Variants in NRXN3 observed in about 807,000 individuals in gnomAD.
NRXN3 encodes neurexin 3, also known as neurexin III.
In NRXN3, 32 loss-of-function variants were observed where a neutral mutation model predicts 137.6. The ratio of observed to expected loss-of-function variants is 0.23; its 90% CI spans 0.18 to 0.31. NRXN3 has a LOEUF of 0.31. Among genes scored for constraint, NRXN3 ranks in the 10% least tolerant of loss-of-function variants. The pLI is 1.00. For synonymous variants in NRXN3, 798 were observed against 784.5 expected, an observed-to-expected ratio of 1.02 and a Z score of -0.29; for missense variants, 1,574 against 2,062.5, an observed-to-expected ratio of 0.76 and a Z score of 4.59.
rs145831148 is a variant in NRXN3 at position 79,248,457 on chromosome 14, C to G, written c.3263-218764C>G. 3.3e-5 allele frequency: 5 copies of G among 152,592 alleles called. No individual in the cohort carries two copies. In the East Asian group the frequency reaches 9.6e-4, roughly 29 times the overall value. 9.5% of individuals were successfully genotyped at this position (152,592 alleles called of 1,614,324 possible). A position where few individuals can be genotyped will look rare whatever the true frequency, so the allele number is the denominator to read the frequency against. On this transcript the variant is annotated intron_variant, in intron 15 of 20. Transcript: ENST00000335750. ...GACAGACTATACTTGTCTTTCTGTT[C>G]TAATTGCTCTGAAATATACCTCTGG...
At chr14:79,083,813 C>G (rs2047541945) in intron 15 of NRXN3, among the ~76,000 whole-genome samples, 1 of 152,096 alleles carries the variant, frequency 6.6e-6, no homozygotes, top group Admixed American at 6.5e-5. Flanking sequence ...ATTAAATCTC[C>G]TTTGGAAGGG....
intron 4 of NRXN3, among the ~76,000 whole-genome samples, chr14:78,421,824 T>C (rs545606020): frequency 6.6e-6 from 1 of 152,300 alleles, no homozygotes; most frequent in Admixed American, 6.5e-5. Context: ...ACGCCTGGCC[T>C]GATTTTAATT....
chr14:78,972,918 G>A (rs1436183919), intron 14 of NRXN3: 1 of 152,230 alleles, frequency 6.6e-6, no homozygotes, highest in African/African-American at 2.4e-5. Context: ...AGGTAGAGAA[G>A]GTTCTTGTTC....
intron 6 of NRXN3, among the ~76,000 whole-genome samples, chr14:78,688,380 A>T (rs1363485120): frequency 6.6e-6 from 1 of 152,180 alleles, no homozygotes; most frequent in Non-Finnish European, 1.5e-5. Flanking sequence ...AGGCCTCAAG[A>T]AGTAAGTATT....
chr14:79,393,386 G>T (rs917356073), intron 15 of NRXN3, among the ~76,000 whole-genome samples: 1 of 152,172 alleles, frequency 6.6e-6, no homozygotes, highest in African/African-American at 2.4e-5. Flanking sequence ...TATAACTGCA[G>T]GATAAAGAGA....
intron 20 of NRXN3, among the ~76,000 whole-genome samples, chr14:79,807,633 T>C (rs1036257372): frequency 6.6e-6 from 1 of 151,994 alleles, no homozygotes; most frequent in African/African-American, 2.4e-5. Context: ...ATGGGGTGGG[T>C]GGGGAGATAC....
intron 10 of NRXN3, among the ~76,000 whole-genome samples, chr14:78,887,357 A>G (rs1243479549): frequency 5.7e-4 from 87 of 152,064 alleles, no homozygotes; most frequent in Non-Finnish European, 2.9e-5. Context: ...TGAGAGAGAA[A>G]GATTATTTTA....
At chr14:78,770,864 C>T (rs2098725309) in intron 8 of NRXN3, among the ~76,000 whole-genome samples, 1 of 152,182 alleles carries the variant, frequency 6.6e-6, no homozygotes, top group South Asian at 2.1e-4. Context: ...GGGGGTACAG[C>T]TAAAAGGAGC....
At chr14:79,162,861 AT>A (rs1463938727) in intron 15 of NRXN3, among the ~76,000 whole-genome samples, 2 of 150,782 alleles carry the variant, frequency 1.3e-5, no homozygotes, top group Non-Finnish European at 3.0e-5. Flanking sequence ...TTCCATCACT[AT>A]TTTCTCCACC....
At position 78,243,186 on chromosome 14, in the gene NRXN3, G is replaced by A; in HGVS notation, c.93G>A (p.Met31Ile). ...GGCTCTGCCTGGGCCTTGAGTTCAT[G>A]GGCCTCCCCAACCAGTGGGCCCGCT... Reference protein sequence around the residue: ...LLGLCLGLEFMGLPNQWARYL... With the variant: ...LLGLCLGLEFIGLPNQWARYL... The change falls in exon 2 of 21, where the codon ATG (methionine) becomes ATA (isoleucine). Residue 31 changes from methionine to isoleucine, a missense_variant. By Grantham distance (10) the Met-to-Ile change is conservative. This residue lies in a region of NRXN3 where 400 missense variants were observed against 527.3 expected (regional missense o/e 0.76). Coordinates refer to ENST00000335750, the MANE Select transcript of NRXN3 (RefSeq NM_001330195.2). This position sits in a 1 kb window ranked among gnomAD's most constrained non-coding sequence, Gnocchi z 4.2. 1 of 1,544,760 alleles carries A rather than the reference G, an allele frequency of 6.5e-7. No homozygotes were observed. Among genetic ancestry groups the A allele is most frequent in the Non-Finnish European group, 8.7e-7 (1 of 1,152,060 alleles).
At position 78,651,086 on chromosome 14, in the gene NRXN3, A is replaced by G. The variant is rs1364356060; in HGVS notation, c.1060-79A>G. On this transcript the variant is annotated intron_variant, in intron 5 of 20. Coordinates refer to ENST00000335750, the MANE Select transcript of NRXN3 (RefSeq NM_001330195.2). Reference sequence around the variant, plus strand: ...AAATCTTAATGAAAGTGATGCCACAAGTAGGGGAAGCCACTGGGTTATGAT... The same window carrying G: ...AAATCTTAATGAAAGTGATGCCACAGGTAGGGGAAGCCACTGGGTTATGAT... 7.7e-6 allele frequency: 10 copies of G among 1,302,572 alleles called. No individual in the cohort carries two copies. The Admixed American group carries it at 1.9e-4, about 25-fold the overall frequency. 80.7% of individuals were successfully genotyped at this position (1,302,572 alleles called of 1,614,324 possible).
chr14:78,359,895 A>C (rs1475326943), intron 4 of NRXN3, among the ~76,000 whole-genome samples: 3 of 152,130 alleles, frequency 2.0e-5, no homozygotes, highest in Non-Finnish European at 2.9e-5. Context: ...TGCCTTCTCC[A>C]GAACCTTATT....
At chr14:79,858,135 G>GTGGTTACT (rs1421820738) in intron 20 of NRXN3, among the ~76,000 whole-genome samples, 18 of 148,146 alleles carry the variant, frequency 1.2e-4, no homozygotes, top group Admixed American at 3.5e-4. Context: ...TATAAAAAAT[G>GTGGTTACT]TGGTTACTCT....
In NRXN3 at chr14:79,485,480, T is replaced by C. The variant is rs549789926; in HGVS notation, c.3444+18078T>C. ...TATATTGTTACCTTGAAGGTATTTA[T>C]AGGCTGTGATCAAGGCCCCTGGAGT... On this transcript the variant is annotated intron_variant, in intron 16 of 20. Coordinates refer to ENST00000335750, the MANE Select transcript of NRXN3 (RefSeq NM_001330195.2). 2.6e-5 allele frequency among the ~76,000 whole-genome samples: 4 copies of C among 152,322 alleles called. No homozygotes were observed. The East Asian group carries it at 7.7e-4, about 29-fold the overall frequency.
At chr14:79,497,321 C>T (rs148194451) in intron 16 of NRXN3, among the ~76,000 whole-genome samples, 10 of 152,304 alleles carry the variant, frequency 6.6e-5, no homozygotes, top group African/African-American at 2.2e-4. Flanking sequence ...ATCCTCCAGA[C>T]AGGTTGATCT....
intron 16 of NRXN3, among the ~76,000 whole-genome samples, chr14:79,484,617 T>A (rs1357956529): frequency 2.0e-5 from 3 of 152,180 alleles, no homozygotes; most frequent in Non-Finnish European, 4.4e-5. Context: ...CTCAGCTTCA[T>A]CCATCTGCCT....
chr14:79,225,722 A>C (rs2070739766), intron 15 of NRXN3, among the ~76,000 whole-genome samples: 1 of 152,180 alleles, frequency 6.6e-6, no homozygotes, highest in African/African-American at 2.4e-5. Context: ...ATGTTTCGTA[A>C]ACCACTTTGG....
chr14:79,630,767 C>T (rs1176870362), intron 16 of NRXN3, among the ~76,000 whole-genome samples: 1 of 152,184 alleles, frequency 6.6e-6, no homozygotes, highest in South Asian at 2.1e-4. Flanking sequence ...AAAATTTAGA[C>T]CAGAGGCAAA....
chr14:78,732,378 A>G (rs1401076160), intron 8 of NRXN3, among the ~76,000 whole-genome samples: 2 of 152,196 alleles, frequency 1.3e-5, no homozygotes, highest in Non-Finnish European at 2.9e-5. Flanking sequence ...AAAACAGTCT[A>G]CTATAGTAGA....
Sources: allele counts gnomAD v4.1 joint callset (sites outside exome capture counted in the v4.1 genomes callset), GRCh38; gene constraint gnomAD v4.1.1; regional missense constraint gnomAD v4.1.1; non-coding constraint Gnocchi (gnomAD v3.1); transcripts MANE v1.5; gene names NCBI Gene and HGNC (gene_info 2026-07-23, HGNC 2026-07-21).